The following FRMPD1 variants were observed in gnomAD, a reference collection of about 807,000 sequenced individuals.
FRMPD1 encodes the protein FERM and PDZ domain-containing protein 1.
FRMPD1 carries 76 observed loss-of-function variants against 117.8 expected under a neutral mutation model. The observed-to-expected ratio is 0.65, with a 90% CI of 0.54 to 0.78. The LOEUF (loss-of-function observed/expected upper bound fraction) is 0.78, where lower values mean the gene tolerates loss of function less well. Ranked by LOEUF, FRMPD1 falls within the 30% of genes least tolerant of loss-of-function variation. The probability of loss-of-function intolerance (pLI) is 0.00; values close to 1 mark genes in which losing one functional copy is unlikely to be tolerated. For missense variants in FRMPD1, 1,786 were observed against 1,964.5 expected, an observed-to-expected ratio of 0.91 and a Z score of 1.72; for synonymous variants, 783 against 770.4, an observed-to-expected ratio of 1.02 and a Z score of -0.27.
intron 5 of FRMPD1, among the ~76,000 whole-genome samples, chr9:37,717,504 C>T (rs1225037107): frequency 2.6e-5 from 4 of 151,490 alleles, no homozygotes; most frequent in Non-Finnish European, 4.4e-5. Context: ...TTCAGCCCCC[C>T]GAGTAGCTAG....
At position 37,746,585 on chromosome 9, in the gene FRMPD1, G is replaced by C; in HGVS notation, c.4553G>C (p.Arg1518Thr). The change falls in exon 16 of 16, where the codon AGG becomes ACG. Residue 1518 changes from arginine (R) to threonine (T), a missense_variant. Arg to Thr is a moderately conservative substitution (Grantham distance 71). Coordinates refer to ENST00000377765, the MANE Select transcript of FRMPD1 (RefSeq NM_014907.3). ...TDCSRCSARH[R>T]EAAGNLRDVV... ...TGTAGCCGCTGCTCCGCCCGGCACA[G>C]GGAGGCAGCGGGGAACCTGAGGGAT... The C allele has an allele frequency of 6.2e-7, 1 of 1,613,948 alleles. No individual in the cohort carries two copies.
chr9:37,650,537 G>C (rs1820636130), upstream of FRMPD1, among the ~76,000 whole-genome samples: 1 of 152,212 alleles, frequency 6.6e-6, no homozygotes, highest in Non-Finnish European at 1.5e-5. Context: ...AGTCCCCCAG[G>C]GCTCCCCGTA....
At chr9:37,699,796 A>G (rs1436811961) in intron 2 of FRMPD1, among the ~76,000 whole-genome samples, 5 of 152,350 alleles carry the variant, frequency 3.3e-5, no homozygotes, top group Non-Finnish European at 7.3e-5. Context: ...TAATGAACAT[A>G]CATGCATGTC....
At chr9:37,644,379 A>G in the FRMPD1 span, among the ~76,000 whole-genome samples, 1 of 152,108 alleles carries the variant, frequency 6.6e-6, no homozygotes, top group Non-Finnish European at 1.5e-5. Flanking sequence ...CCTTCTTGCA[A>G]TGGTGGACGG....
the FRMPD1 span, among the ~76,000 whole-genome samples, chr9:37,638,841 C>T: frequency 1.4e-4 from 22 of 152,278 alleles, no homozygotes; most frequent in Non-Finnish European, 2.6e-4. Context: ...GCTTTACTTC[C>T]TCCTCAAAGT....
intron 7 of FRMPD1, among the ~76,000 whole-genome samples, chr9:37,726,870 T>C (rs1823639702): frequency 6.6e-6 from 1 of 152,054 alleles, no homozygotes; most frequent in African/African-American, 2.4e-5. Context: ...AGCCGTGTGG[T>C]ACAGGCTCAG....
intron 4 of FRMPD1, 33 bp downstream of exon 4, chr9:37,708,534 G>A: frequency 2.5e-6 from 3 of 1,223,052 alleles, no homozygotes; most frequent in South Asian, 2.4e-5. Context: ...CTACAGAATT[G>A]CACAGATTAT....
the FRMPD1 span, among the ~76,000 whole-genome samples, chr9:37,637,984 C>CT: frequency 8.3e-6 from 1 of 120,882 alleles, no homozygotes; most frequent in African/African-American, 3.1e-5. Flanking sequence ...TTCTTTCTTT[C>CT]TTTCTTTCTT....
At chr9:37,681,425 A>G (rs2117930345) in intron 1 of FRMPD1, among the ~76,000 whole-genome samples, 1 of 152,230 alleles carries the variant, frequency 6.6e-6, no homozygotes, top group East Asian at 1.9e-4. Context: ...TTGAGGAATA[A>G]TCATGTGGTC....
intron 1 of FRMPD1, among the ~76,000 whole-genome samples, chr9:37,688,532 A>T (rs1014267393): frequency 1.3e-5 from 2 of 152,054 alleles, no homozygotes; most frequent in Admixed American, 1.3e-4. Flanking sequence ...ATGTCCAATA[A>T]TTTCACTTCT....
the FRMPD1 span, among the ~76,000 whole-genome samples, chr9:37,619,220 C>T: frequency 1.3e-5 from 2 of 152,124 alleles, no homozygotes; most frequent in African/African-American, 2.4e-5. Flanking sequence ...TCCATGTAAA[C>T]CTTTCCTGAC....
At chr9:37,716,822 T>G (rs1248838499) in intron 5 of FRMPD1, among the ~76,000 whole-genome samples, 1 of 152,146 alleles carries the variant, frequency 6.6e-6, no homozygotes, top group Non-Finnish European at 1.5e-5. Flanking sequence ...GTCCTTAAGT[T>G]TCTCATGCAC....
chr9:37,674,729 A>C (rs1821466948), intron 1 of FRMPD1, among the ~76,000 whole-genome samples: 1 of 152,226 alleles, frequency 6.6e-6, no homozygotes, highest in Non-Finnish European at 1.5e-5. Context: ...AGGAAGAAGC[A>C]AAAGTGGAAA....
At position 37,745,601 on chromosome 9, in the gene FRMPD1, G is replaced by A. The variant is rs2118541603; in HGVS notation, c.3569G>A (p.Gly1190Glu). 2.5e-6 allele frequency: 4 copies of A among 1,614,104 alleles called. No homozygotes were observed. Among genetic ancestry groups the A allele is most frequent in the South Asian group, 1.1e-5 (1 of 91,080 alleles). The stretch of plus-strand genomic sequence containing the variant: ...CAAGGACAGAGCAGAGAACCCCCAG[G>A]GCAAGGCTGCCAGGCTCAAGAACAA... ...DPQGQSREPP[G>E]QGCQAQEQKL... Residue 1190 changes from glycine to glutamate, a missense_variant, in exon 16 of 16, where the codon GGG (glycine) becomes GAG (glutamate). Transcript: ENST00000377765.
In FRMPD1 at chr9:37,733,507, A is replaced by G. The variant is rs1823985283; in HGVS notation, c.1030A>G (p.Thr344Ala). Residue 344 changes from threonine (T) to alanine (A), a missense_variant, in exon 11 of 16, where the codon ACT (threonine) becomes GCT (alanine). Physicochemically the swap from Thr to Ala is moderately conservative, Grantham distance 58. Transcript: ENST00000377765. ...GGGAATAGAGAACTTTATATCTCCA[A>G]CTTTACTCCGAAACATGAAAGGCAA... is the stretch of plus-strand genomic sequence containing the variant. ...DWGIENFISP[T>A]LLRNMKGKDI... 1 of 1,613,904 alleles carries G rather than the reference A, an allele frequency of 6.2e-7. No homozygotes were observed. Among genetic ancestry groups the G allele is most frequent in the South Asian group, 1.1e-5 (1 of 91,056 alleles).
In FRMPD1 at chr9:37,729,809, A is replaced by G. The variant is rs1402674580; in HGVS notation, c.694A>G (p.Ile232Val). The G allele has an allele frequency of 6.2e-7, 1 of 1,614,050 alleles. No homozygotes were observed. The highest frequency in any genetic ancestry group is 8.5e-7 in the Non-Finnish European group (1 of 1,179,976). Residue 232 changes from isoleucine (I) to valine (V), a missense_variant, in exon 8 of 16, where the codon ATC (isoleucine) becomes GTC (valine). By Grantham distance (29) the Ile-to-Val change is conservative. Transcript: ENST00000377765. Reference sequence around the variant, plus strand: ...ACTGGCCCTGGAAGAGCAGTACAGCATCTCCCGGCTGCACCTGCTGCACGA... The same window carrying G: ...ACTGGCCCTGGAAGAGCAGTACAGCGTCTCCCGGCTGCACCTGCTGCACGA... ...FALALEEQYS[I>V]SRLHLLHEEE...
chr9:37,648,943 G>A (rs1373655339), upstream of FRMPD1, among the ~76,000 whole-genome samples: 1 of 152,096 alleles, frequency 6.6e-6, no homozygotes, highest in Non-Finnish European at 1.5e-5. Flanking sequence ...AGAGTGAAGG[G>A]AGAAAGGCCA....
At chr9:37,667,500 C>G (rs62533866) in intron 1 of FRMPD1, among the ~76,000 whole-genome samples, 14,136 of 144,530 alleles carry the variant, frequency 0.098, 962 homozygotes, top group African/African-American at 0.2. Flanking sequence ...TGGTGAGACC[C>G]CATCTCTACT....
chr9:37,684,516 A>G (rs1821852687), intron 1 of FRMPD1, among the ~76,000 whole-genome samples: 1 of 152,206 alleles, frequency 6.6e-6, no homozygotes. Context: ...AAGGGATGTG[A>G]TTAGAATTAC....
Sources: gnomAD v4.1 joint callset for allele counts (sites outside exome capture counted in the v4.1 genomes callset) on GRCh38, gnomAD v4.1.1 for gene constraint, MANE v1.5 for transcripts, NCBI Gene and HGNC (gene_info 2026-07-23, HGNC 2026-07-21) for gene names.